Variants in SNX29 observed in about 807,000 individuals in gnomAD.
SNX29 encodes the protein sorting nexin 29, also known as sorting nexin-29.
In SNX29, 78 loss-of-function variants were observed where a neutral mutation model predicts 102.1. That is an observed-to-expected ratio of 0.76 (90% CI 0.64 to 0.92). SNX29 has a LOEUF of 0.92. SNX29 is among the 40% of genes least tolerant of loss of function. SNX29 has a pLI of 0.00. For missense variants in SNX29, 1,280 were observed against 1,061.7 expected (o/e 1.21, Z -2.86); for synonymous variants, 580 against 414.5 (o/e 1.40, Z -4.85).
At chr16:12,387,054 G>C (rs1286091415) in intron 16 of SNX29, among the ~76,000 whole-genome samples, 1 of 152,050 alleles carries the variant, frequency 6.6e-6, no homozygotes, top group Non-Finnish European at 1.5e-5. Context: ...GAACCTGGGA[G>C]GCAGAGGCTG....
chr16:12,551,317 G>C (rs1174167313), intron 20 of SNX29, among the ~76,000 whole-genome samples: 1 of 152,182 alleles, frequency 6.6e-6, no homozygotes, highest in East Asian at 1.9e-4. Context: ...AAAGCCACTT[G>C]TAACCTCAGA....
intron 1 of SNX29, among the ~76,000 whole-genome samples, chr16:11,993,825 A>T (rs2055950488): frequency 6.6e-6 from 1 of 152,220 alleles, no homozygotes; most frequent in Admixed American, 6.5e-5. Context: ...AGAGTTCTAA[A>T]CATTGAAGAC....
chr16:12,279,334 C>A (rs896312492), intron 15 of SNX29, among the ~76,000 whole-genome samples: 5 of 152,220 alleles, frequency 3.3e-5, no homozygotes, highest in Non-Finnish European at 7.3e-5. Context: ...TTTGTCTGGT[C>A]TCTAAATTGC....
chr16:12,224,141 T>TA (rs1346022335), intron 14 of SNX29, among the ~76,000 whole-genome samples: 1 of 152,152 alleles, frequency 6.6e-6, no homozygotes, highest in Admixed American at 6.6e-5. Context: ...TCTCAGCATG[T>TA]AAAATACTAC....
intron 18 of SNX29, among the ~76,000 whole-genome samples, chr16:12,460,048 T>C (rs2086712045): frequency 6.6e-6 from 1 of 152,192 alleles, no homozygotes; most frequent in South Asian, 2.1e-4. Context: ...CTCCTGATTC[T>C]GTAAAGCATA....
At chr16:12,394,531 G>C (rs1239876910) in intron 16 of SNX29, among the ~76,000 whole-genome samples, 2 of 152,162 alleles carry the variant, frequency 1.3e-5, no homozygotes, top group South Asian at 2.1e-4. Flanking sequence ...TCATGATTCT[G>C]TGGGCCGACT....
At chr16:12,536,570 G>A (rs748291265) in intron 20 of SNX29, among the ~76,000 whole-genome samples, 11 of 152,160 alleles carry the variant, frequency 7.2e-5, no homozygotes, top group East Asian at 1.9e-4. Flanking sequence ...TCAGAAAGTT[G>A]CAGAGTTCAC....
intron 18 of SNX29, among the ~76,000 whole-genome samples, chr16:12,405,870 C>T (rs912735267): frequency 1.3e-5 from 2 of 151,800 alleles, no homozygotes; most frequent in Admixed American, 1.3e-4. Flanking sequence ...CCCATCTCTA[C>T]TAAAAATACA....
intron 11 of SNX29, among the ~76,000 whole-genome samples, chr16:12,111,662 G>A (rs1026242914): frequency 3.3e-5 from 5 of 152,216 alleles, no homozygotes; most frequent in Non-Finnish European, 5.9e-5. Flanking sequence ...AGCAGAGCTT[G>A]TTTAGTTGAG....
At chr16:12,242,271 A>T (rs2078126838) in intron 14 of SNX29, among the ~76,000 whole-genome samples, 1 of 151,538 alleles carries the variant, frequency 6.6e-6, no homozygotes, top group East Asian at 1.9e-4. Flanking sequence ...GAAGGAAGCT[A>T]CCAGTGCCCT....
rs192692646 is a variant in SNX29 at position 12,154,813 on chromosome 16, A to G, written c.1595+25055A>G. The stretch of plus-strand genomic sequence containing the variant: ...TCCCTGTGTCCTTACATGGTGGAAG[A>G]GGTGAGGCTGCTCTCTGGGGCCTCT... On this transcript the variant is annotated intron_variant, in intron 13 of 20. Coordinates refer to ENST00000566228, the MANE Select transcript of SNX29 (RefSeq NM_032167.5). 5.9e-5 allele frequency among the ~76,000 whole-genome samples: 9 copies of G among 152,312 alleles called. No homozygotes were observed. The East Asian group carries it at 1.7e-3, about 29-fold the overall frequency.
At chr16:12,004,942 C>G (rs2056406084) in intron 3 of SNX29, among the ~76,000 whole-genome samples, 2 of 152,152 alleles carry the variant, frequency 1.3e-5, no homozygotes, top group South Asian at 4.1e-4. Flanking sequence ...GATTTGCTGT[C>G]TTGTTTACAG....
chr16:12,145,898 A>T (rs369052457), intron 13 of SNX29, among the ~76,000 whole-genome samples: 2 of 152,188 alleles, frequency 1.3e-5, no homozygotes, highest in African/African-American at 4.8e-5. Context: ...TTATAAACCT[A>T]TTCCGCCTTT....
intron 13 of SNX29, among the ~76,000 whole-genome samples, chr16:12,149,482 C>T (rs1012689690): frequency 6.6e-6 from 1 of 152,070 alleles, no homozygotes; most frequent in Admixed American, 6.5e-5. Flanking sequence ...GTTTTGTTAC[C>T]CGGGGTCATG....
intron 3 of SNX29, among the ~76,000 whole-genome samples, chr16:12,016,846 G>T (rs1015540344): frequency 6.6e-6 from 1 of 151,974 alleles, no homozygotes; most frequent in Non-Finnish European, 1.5e-5. Flanking sequence ...AATTATACTG[G>T]CCGAACACAG....
At chr16:12,371,534 C>A (rs1021203881) in intron 16 of SNX29, among the ~76,000 whole-genome samples, 2 of 152,186 alleles carry the variant, frequency 1.3e-5, no homozygotes, top group African/African-American at 4.8e-5. Flanking sequence ...TCTCGAACTT[C>A]TGGGCTCAAG....
chr16:12,161,557 G>T (rs1181197851), intron 13 of SNX29, among the ~76,000 whole-genome samples: 1 of 152,196 alleles, frequency 6.6e-6, no homozygotes, highest in East Asian at 1.9e-4. Flanking sequence ...ATCTGATACG[G>T]TTTGGATGTT....
At chr16:12,167,440 C>G (rs940754444) in intron 13 of SNX29, among the ~76,000 whole-genome samples, 4 of 152,162 alleles carry the variant, frequency 2.6e-5, no homozygotes, top group Non-Finnish European at 5.9e-5. Flanking sequence ...CCTGAGCTCA[C>G]CTGGTTGCCC....
intron 13 of SNX29, among the ~76,000 whole-genome samples, chr16:12,197,835 T>C (rs1242085441): frequency 1.3e-5 from 2 of 151,636 alleles, no homozygotes; most frequent in Non-Finnish European, 2.9e-5. Context: ...GAGTCTATGG[T>C]AGTGTCTGAG....
Sources: allele counts gnomAD v4.1 joint callset (sites outside exome capture counted in the v4.1 genomes callset), GRCh38; gene constraint gnomAD v4.1.1; transcripts MANE v1.5; gene names NCBI Gene and HGNC (gene_info 2026-07-23, HGNC 2026-07-21).